The following RORB variants were observed in gnomAD, a reference collection of about 807,000 sequenced individuals.
The protein encoded by RORB is nuclear receptor ROR-beta.
Under a neutral mutation model 59.1 loss-of-function variants are expected in RORB, and 6 were observed. The observed-to-expected ratio is 0.10, with a 90% confidence interval of 0.06 to 0.20. The LOEUF (loss-of-function observed/expected upper bound fraction) is 0.20, where lower values mean the gene tolerates loss of function less well. Among genes scored for constraint, RORB ranks in the 10% least tolerant of loss-of-function variants. The pLI is 1.00. For missense variants in RORB, 320 were observed against 560.5 expected (o/e 0.57, Z 4.33); for synonymous variants, 215 against 204.5 (o/e 1.05, Z -0.44).
chr9:74,531,574 A>G (rs1405843647), intron 1 of RORB, among the ~76,000 whole-genome samples: 1 of 152,134 alleles, frequency 6.6e-6, no homozygotes, highest in African/African-American at 2.4e-5. Flanking sequence ...CAGACATCTT[A>G]GGTTCAGACA....
chr9:74,585,734 G>A (rs1309472148), intron 1 of RORB, among the ~76,000 whole-genome samples: 2 of 150,406 alleles, frequency 1.3e-5, no homozygotes, highest in African/African-American at 2.5e-5. Flanking sequence ...GTAAGCTCAT[G>A]AGCATTTAGA....
intron 1 of RORB, among the ~76,000 whole-genome samples, chr9:74,510,109 AG>A: frequency 6.6e-6 from 1 of 152,102 alleles, no homozygotes; most frequent in Non-Finnish European, 1.5e-5. Flanking sequence ...TAAAAAACAT[AG>A]CTTGAAATAC....
At chr9:74,544,446 T>G (rs1316902892) in intron 1 of RORB, among the ~76,000 whole-genome samples, 1 of 152,244 alleles carries the variant, frequency 6.6e-6, no homozygotes, top group African/African-American at 2.4e-5. Context: ...TTTTCTCATT[T>G]GCATACAGTG....
chr9:74,618,381 T>C (rs1823347588), intron 1 of RORB, among the ~76,000 whole-genome samples: 1 of 152,152 alleles, frequency 6.6e-6, no homozygotes, highest in Admixed American at 6.6e-5. Flanking sequence ...ACATGGACAT[T>C]GTCTCAGTGT....
intron 9 of RORB, among the ~76,000 whole-genome samples, chr9:74,677,344 G>T (rs1018785024): frequency 6.6e-6 from 1 of 152,054 alleles, no homozygotes; most frequent in African/African-American, 2.4e-5. Flanking sequence ...CCTTCTTAAG[G>T]CTTTAGACTT....
Position 74,644,798 on chromosome 9 carries a change from AG to A in RORB, c.637+1984del, listed in dbSNP as rs543078622. ...TCTTCTGGCCTATATTCAAAAGGGG[AG>A]TCTTCTAAGAATTAATAAATCATAA... On this transcript the variant is annotated intron_variant, in intron 4 of 9. Coordinates refer to ENST00000376896, the MANE Select transcript of RORB (RefSeq NM_006914.4). Among the ~76,000 whole-genome samples the A allele has an allele frequency of 4.3e-3, 658 of 152,266 alleles. 5 individuals carry two copies. The highest frequency in any genetic ancestry group is 0.015 in the African/African-American group (639 of 41,546).
At chr9:74,526,669 G>A (rs1369688304) in intron 1 of RORB, among the ~76,000 whole-genome samples, 1 of 151,896 alleles carries the variant, frequency 6.6e-6, no homozygotes, top group East Asian at 1.9e-4. Context: ...ACTGTGATTT[G>A]TGATATTGCT....
At chr9:74,613,977 T>C (rs544778340) in intron 1 of RORB, among the ~76,000 whole-genome samples, 4 of 152,338 alleles carry the variant, frequency 2.6e-5, no homozygotes, top group East Asian at 3.9e-4. Context: ...CAAGCCACCA[T>C]TGGTGGGCAT....
intron 1 of RORB, among the ~76,000 whole-genome samples, chr9:74,561,334 T>C (rs1001494626): frequency 6.6e-6 from 1 of 152,126 alleles, no homozygotes. Flanking sequence ...AGAAATACAT[T>C]CCCCTGAAAG....
At chr9:74,647,325 G>A (rs1288621591) in intron 4 of RORB, among the ~76,000 whole-genome samples, 9 of 152,140 alleles carry the variant, frequency 5.9e-5, no homozygotes, top group Non-Finnish European at 2.9e-5. Flanking sequence ...AATTCTGCAG[G>A]ACTAATACTC....
At chr9:74,617,151 A>T (rs1328145933) in intron 1 of RORB, among the ~76,000 whole-genome samples, 1 of 152,062 alleles carries the variant, frequency 6.6e-6, no homozygotes, top group Non-Finnish European at 1.5e-5. Flanking sequence ...ATGGAAAAGA[A>T]ATTTTTTGTA....
At chr9:74,624,534 T>C (rs1823478497) in intron 1 of RORB, among the ~76,000 whole-genome samples, 1 of 152,210 alleles carries the variant, frequency 6.6e-6, no homozygotes, top group Non-Finnish European at 1.5e-5. Flanking sequence ...CAAGATCCTA[T>C]CCCATCCCAA....
rs552875218 is a variant in RORB, at chr9:74,563,077, A to G, written c.7+65094A>G. On this transcript the variant is annotated intron_variant, in intron 1 of 9. Coordinates refer to ENST00000376896, the MANE Select transcript of RORB (RefSeq NM_006914.4). ...ACTACCTAATGAACAGACCTTATTTATATTTCACCTACTTTCCCAATAATG... is the reference window on the plus strand; with the variant it reads ...ACTACCTAATGAACAGACCTTATTTGTATTTCACCTACTTTCCCAATAATG... Among the ~76,000 whole-genome samples, 3 of 152,102 alleles carry G rather than the reference A, an allele frequency of 2.0e-5. No homozygotes were observed. The South Asian group carries it at 6.2e-4, about 32-fold the overall frequency.
chr9:74,547,194 T>C (rs1826511729), intron 1 of RORB, among the ~76,000 whole-genome samples: 1 of 151,784 alleles, frequency 6.6e-6, no homozygotes, highest in Non-Finnish European at 1.5e-5. Flanking sequence ...TATAAGAAAA[T>C]ATGTATGAGA....
chr9:74,640,534 T>C (rs1016525900), intron 3 of RORB, among the ~76,000 whole-genome samples: 8 of 152,072 alleles, frequency 5.3e-5, no homozygotes, highest in South Asian at 2.1e-4. Context: ...CTGCCCGCCT[T>C]GGCCTCCCAA....
At position 74,642,538 on chromosome 9, in the gene RORB, G is replaced by T; in HGVS notation, c.360G>T (p.Arg120Ser). The T allele has an allele frequency of 6.2e-7, 1 of 1,614,170 alleles. No homozygotes were observed. Among genetic ancestry groups the T allele is most frequent in the Non-Finnish European group, 8.5e-7 (1 of 1,180,032 alleles). Residue 120 changes from arginine (R) to serine (S), a missense_variant, in exon 4 of 10, where the codon AGG becomes AGT. Transcript: ENST00000376896. ...GTGGGGAGGCAGAAGCCCTTGCCAG[G>T]GTGTACAGCAGCAGCATTAGCAACG... ...QQSGEAEALA[R>S]VYSSSISNGL...
chr9:74,574,935 G>T (rs1323359), intron 1 of RORB, among the ~76,000 whole-genome samples: 145,890 of 152,180 alleles, frequency 0.96, 70,242 homozygotes, highest in East Asian at 1. Context: ...TAAGCTAAGC[G>T]TATATGGGAC....
rs912323644 is a variant in RORB, at chr9:74,613,174, A to G, written c.8-17108A>G. On this transcript the variant is annotated intron_variant, in intron 1 of 9. Coordinates refer to ENST00000376896, the MANE Select transcript of RORB (RefSeq NM_006914.4). Reference sequence around the variant, plus strand: ...ATTCATATTGAACTATGTTTACTGAATTCCCAGTGTGTTTCAGACACAATA... The same window carrying G: ...ATTCATATTGAACTATGTTTACTGAGTTCCCAGTGTGTTTCAGACACAATA... Among the ~76,000 whole-genome samples the G allele has an allele frequency of 5.9e-5, 9 of 152,304 alleles. No individual in the cohort carries two copies. In the East Asian group the frequency reaches 1.5e-3, roughly 26 times the overall value.
At position 74,591,943 on chromosome 9, in the gene RORB, TGAGA is replaced by T. The variant is rs1307501580; in HGVS notation, c.8-38328_8-38325del. Among the ~76,000 whole-genome samples the T allele has an allele frequency of 4.0e-5, 6 of 150,970 alleles. No homozygotes were observed. In the East Asian group the frequency reaches 5.8e-4, roughly 15 times the overall value. Reference sequence around the variant, plus strand: ...GTGTGTGCATGTTCATGTGTGAGAGTGAGAGAGAGAGAGACAGAGAGAGAGAGAG... The same window carrying T: ...GTGTGTGCATGTTCATGTGTGAGAGTGAGAGAGAGACAGAGAGAGAGAGAG... On this transcript the variant is annotated intron_variant, in intron 1 of 9. Coordinates refer to ENST00000376896, the MANE Select transcript of RORB (RefSeq NM_006914.4).
Sources: gnomAD v4.1 joint callset for allele counts (sites outside exome capture counted in the v4.1 genomes callset) on GRCh38, gnomAD v4.1.1 for gene constraint, MANE v1.5 for transcripts, NCBI Gene and HGNC (gene_info 2026-07-23, HGNC 2026-07-21) for gene names.